TNS3: variants seen among roughly 807,000 people sequenced by gnomAD.
TNS3 encodes tensin-3.
Under a neutral mutation model 140.9 loss-of-function variants are expected in TNS3, and 45 were observed. The ratio of observed to expected loss-of-function variants is 0.32; its 90% CI spans 0.25 to 0.41. TNS3 has a LOEUF of 0.41. TNS3 is among the 10% of genes least tolerant of loss of function. The pLI is 1.00. For synonymous variants in TNS3, 815 were observed against 788.4 expected (o/e 1.03, Z -0.56); for missense variants, 1,716 against 1,906.7 (o/e 0.90, Z 1.86).
At chr7:47,513,962 T>G (rs983026187) in intron 2 of TNS3, among the ~76,000 whole-genome samples, 1 of 152,266 alleles carries the variant, frequency 6.6e-6, no homozygotes, top group African/African-American at 2.4e-5. Flanking sequence ...CCCAACATTT[T>G]TATATGTTGT....
intron 4 of TNS3, among the ~76,000 whole-genome samples, chr7:47,449,424 A>G (rs893097662): frequency 6.6e-6 from 1 of 152,118 alleles, no homozygotes; most frequent in African/African-American, 2.4e-5. Flanking sequence ...CTCCTGCCCC[A>G]GGTTCTTTGC....
intron 4 of TNS3, among the ~76,000 whole-genome samples, chr7:47,472,405 TG>T (rs2151746059): frequency 6.6e-6 from 1 of 152,312 alleles, no homozygotes; most frequent in South Asian, 2.1e-4. Context: ...CAAGGCTAGG[TG>T]TCAGTGTCAC....
chr7:47,509,238 G>C (rs1798522226), intron 2 of TNS3, among the ~76,000 whole-genome samples: 1 of 152,208 alleles, frequency 6.6e-6, no homozygotes, highest in African/African-American at 2.4e-5. Flanking sequence ...AATTATCATA[G>C]TGAAATCATA....
chr7:47,540,550 C>T (rs977031450), intron 1 of TNS3, among the ~76,000 whole-genome samples: 3 of 152,126 alleles, frequency 2.0e-5, no homozygotes, highest in Admixed American at 6.5e-5. Context: ...CCCACAGATA[C>T]GTGAGCAACG....
At chr7:47,390,382 C>T (rs1310592107) in intron 16 of TNS3, among the ~76,000 whole-genome samples, 1 of 152,240 alleles carries the variant, frequency 6.6e-6, no homozygotes. Context: ...CCTGACCCAA[C>T]ATGTCCTCGT....
intron 20 of TNS3, among the ~76,000 whole-genome samples, chr7:47,308,767 T>C (rs1415515858): frequency 6.6e-6 from 1 of 152,180 alleles, no homozygotes; most frequent in Non-Finnish European, 1.5e-5. Context: ...TACTTTCCTC[T>C]CTTGCTCATG....
At chr7:47,443,895 T>C (rs1795592433) in intron 4 of TNS3, among the ~76,000 whole-genome samples, 1 of 152,182 alleles carries the variant, frequency 6.6e-6, no homozygotes, top group African/African-American at 2.4e-5. Context: ...CACTCCAGCC[T>C]GGGCAACAGA....
At chr7:47,341,195 G>A (rs1406544025) in intron 20 of TNS3, among the ~76,000 whole-genome samples, 1 of 152,160 alleles carries the variant, frequency 6.6e-6, no homozygotes, top group East Asian at 1.9e-4. Context: ...ATATTGGTCT[G>A]TAGTTTTCTT....
intron 2 of TNS3, among the ~76,000 whole-genome samples, chr7:47,527,205 G>C (rs1303381164): frequency 6.6e-6 from 1 of 152,108 alleles, no homozygotes; most frequent in Non-Finnish European, 1.5e-5. Context: ...CCACTGCACT[G>C]CAGCCTGGGT....
At chr7:47,384,000 A>G (rs1791925852) in intron 16 of TNS3, among the ~76,000 whole-genome samples, 1 of 152,188 alleles carries the variant, frequency 6.6e-6, no homozygotes, top group Non-Finnish European at 1.5e-5. Flanking sequence ...CTAAATTCAG[A>G]TAGCTTCTGG....
chr7:47,570,108 C>T (rs1800520000), intron 1 of TNS3, among the ~76,000 whole-genome samples: 1 of 152,258 alleles, frequency 6.6e-6, no homozygotes, highest in Admixed American at 6.5e-5. Context: ...CAAGATCACT[C>T]CATTGCACTC....
At chr7:47,363,754 G>A (rs949643225) in intron 17 of TNS3, among the ~76,000 whole-genome samples, 1 of 152,190 alleles carries the variant, frequency 6.6e-6, no homozygotes, top group African/African-American at 2.4e-5. Flanking sequence ...CAGTCAGTCA[G>A]GCAATGCCAC....
chr7:47,331,928 T>C (rs1277274676), intron 20 of TNS3, among the ~76,000 whole-genome samples: 2 of 152,186 alleles, frequency 1.3e-5, no homozygotes, highest in African/African-American at 4.8e-5. Flanking sequence ...GGTACACTAA[T>C]CTGGGGGGCA....
intron 20 of TNS3, among the ~76,000 whole-genome samples, chr7:47,336,526 GT>G (rs1421267124): frequency 6.6e-6 from 1 of 152,144 alleles, no homozygotes; most frequent in Non-Finnish European, 1.5e-5. Flanking sequence ...TGTGTATTCT[GT>G]TTATTGTTTA....
chr7:47,577,313 C>G (rs905219955), intron 1 of TNS3, among the ~76,000 whole-genome samples: 1 of 152,144 alleles, frequency 6.6e-6, no homozygotes, highest in African/African-American at 2.4e-5. Context: ...TTATCTTTCC[C>G]CAAAAGAGAA....
Position 47,292,873 on chromosome 7 carries a change from T to C in TNS3, c.3805A>G (p.Ile1269Val). The C allele has an allele frequency of 6.2e-7, 1 of 1,614,140 alleles. No individual in the cohort carries two copies. Among genetic ancestry groups the C allele is most frequent in the Non-Finnish European group, 8.5e-7 (1 of 1,180,024 alleles). The change falls in exon 26 of 31, where the codon ATC (isoleucine) becomes GTC (valine). Residue 1269 changes from isoleucine to valine, a missense_variant. Ile to Val is a conservative substitution (Grantham distance 29). Transcript: ENST00000311160. ...SLTALVCQHS[I>V]TPLALPCKLL... The stretch of plus-strand genomic sequence containing the variant: ...TTGCACGGCAAGGCCAAGGGCGTGA[T>C]GGAATGCTGGCACACCAAGGCCGTC...
intron 1 of TNS3, among the ~76,000 whole-genome samples, chr7:47,530,139 CATA>C (rs1186601186): frequency 6.6e-6 from 1 of 152,156 alleles, no homozygotes; most frequent in African/African-American, 2.4e-5. Flanking sequence ...AAATGTCCAT[CATA>C]ATAACTATTC....
chr7:47,506,811 C>T (rs752140558), intron 3 of TNS3, 96 bp downstream of exon 3: 22 of 961,534 alleles, frequency 2.3e-5, no homozygotes, highest in Admixed American at 2.1e-4. Flanking sequence ...GTTTTCTTTC[C>T]GTGGCTGCAG....
chr7:47,398,697 C>T (rs1483451088), intron 15 of TNS3, among the ~76,000 whole-genome samples: 1 of 152,130 alleles, frequency 6.6e-6, no homozygotes, highest in Non-Finnish European at 1.5e-5. Context: ...CCATGTATGA[C>T]AAACCCATAG....
Sources: gnomAD v4.1 joint callset for allele counts (sites outside exome capture counted in the v4.1 genomes callset) on GRCh38, gnomAD v4.1.1 for gene constraint, MANE v1.5 for transcripts, NCBI Gene and HGNC (gene_info 2026-07-23, HGNC 2026-07-21) for gene names.